The following ENOX1 variants were observed in gnomAD, a reference collection of about 807,000 sequenced individuals.
ENOX1 encodes candidate growth-related and time keeping constitutive hydroquinone (NADH) oxidase.
A neutral mutation model predicts 82.5 loss-of-function variants in ENOX1; 42 were observed. The ratio of observed to expected loss-of-function variants is 0.51; its 90% CI spans 0.40 to 0.66. The LOEUF (loss-of-function observed/expected upper bound fraction) is 0.66. Ranked by LOEUF, ENOX1 falls within the 30% of genes least tolerant of loss-of-function variation. ENOX1 has a pLI of 0.00. For synonymous variants in ENOX1, 271 were observed against 282.2 expected, an observed-to-expected ratio of 0.96 and a Z score of 0.40; for missense variants, 608 against 811.6, an observed-to-expected ratio of 0.75 and a Z score of 3.05.
intron 5 of ENOX1, among the ~76,000 whole-genome samples, chr13:43,382,029 C>G (rs1018834796): frequency 9.2e-5 from 14 of 152,012 alleles, no homozygotes; most frequent in African/African-American, 2.2e-4. Flanking sequence ...TCCAGCATTA[C>G]TTTTGTTACT....
intron 12 of ENOX1, among the ~76,000 whole-genome samples, chr13:43,283,340 T>A (rs1252540664): frequency 6.6e-6 from 1 of 152,152 alleles, no homozygotes; most frequent in Non-Finnish European, 1.5e-5. Flanking sequence ...ATTTTATTCA[T>A]CTTTTCAAAC....
At chr13:43,371,957 G>C (rs2051271449) in intron 5 of ENOX1, among the ~76,000 whole-genome samples, 1 of 152,208 alleles carries the variant, frequency 6.6e-6, no homozygotes, top group Non-Finnish European at 1.5e-5. Flanking sequence ...TGGGCAAGGA[G>C]AACGGGTAAC....
chr13:43,240,398 T>C (rs1005282651), intron 14 of ENOX1, among the ~76,000 whole-genome samples: 1 of 151,966 alleles, frequency 6.6e-6, no homozygotes, highest in Non-Finnish European at 1.5e-5. Flanking sequence ...AGTGTAGATT[T>C]TATCTGGGAG....
chr13:43,556,665 T>C (rs908119452), intron 2 of ENOX1, among the ~76,000 whole-genome samples: 1 of 151,808 alleles, frequency 6.6e-6, no homozygotes, highest in Non-Finnish European at 1.5e-5. Context: ...GACACTTGAG[T>C]ATCATGCTTG....
chr13:43,668,057 T>C (rs575885080), intron 1 of ENOX1, among the ~76,000 whole-genome samples: 1 of 152,172 alleles, frequency 6.6e-6, no homozygotes, highest in Non-Finnish European at 1.5e-5. Context: ...CTCAGGAAAT[T>C]TGTTGTTCTG....
rs2052300612 is a variant in ENOX1 at position 43,384,773 on chromosome 13, A to G, written c.209-23321T>C. On this transcript the variant is annotated intron_variant, in intron 5 of 16. Coordinates refer to ENST00000690772, the MANE Select transcript of ENOX1 (RefSeq NM_001347969.2). ...GTCTTAAGTGCTGCTGGGTGAAACA[A>G]TTAAAAGGATAGTCTTAAGTACTGC... 3.3e-5 allele frequency among the ~76,000 whole-genome samples: 5 copies of G among 152,204 alleles called. No individual in the cohort carries two copies. The South Asian group carries it at 1.0e-3, about 32-fold the overall frequency.
At chr13:43,417,221 C>T (rs1172405672) in intron 3 of ENOX1, among the ~76,000 whole-genome samples, 5 of 64,936 alleles carry the variant, frequency 7.7e-5, no homozygotes, top group Non-Finnish European at 1.1e-4. Context: ...AGACGGGAGA[C>T]GGGAGACGGG....
chr13:43,751,703 T>C (rs1950332563), intron 1 of ENOX1, among the ~76,000 whole-genome samples: 1 of 152,200 alleles, frequency 6.6e-6, no homozygotes, highest in African/African-American at 2.4e-5. Flanking sequence ...AGTGTATGAA[T>C]CAACAGTTCG....
At chr13:43,309,493 C>T (rs372004089) in intron 11 of ENOX1, among the ~76,000 whole-genome samples, 1 of 152,148 alleles carries the variant, frequency 6.6e-6, no homozygotes, top group Admixed American at 6.5e-5. Flanking sequence ...TAGTAAGGCC[C>T]GACAGTGGAG....
Position 43,298,480 on chromosome 13 carries a change from A to G in ENOX1, c.1312T>C (p.Trp438Arg). The G allele has an allele frequency of 6.2e-7, 1 of 1,614,038 alleles. No homozygotes were observed. The highest frequency in any genetic ancestry group is 8.5e-7 in the Non-Finnish European group (1 of 1,180,022). ...TCATTCCTGTAGGCATCCAGCTGCC[A>G]GCGGAGACTGTCATTCTCCTCTTTC... ...ALKEENDSLR[W>R]QLDAYRNEVE... Residue 438 changes from tryptophan (W) to arginine (R), a missense_variant, in exon 12 of 17, where the codon TGG becomes CGG. Transcript: ENST00000690772.
chr13:43,226,309 T>C (rs1384590500), intron 15 of ENOX1, among the ~76,000 whole-genome samples: 8 of 152,230 alleles, frequency 5.3e-5, no homozygotes, highest in Non-Finnish European at 1.2e-4. Context: ...TATATAATAT[T>C]TGTACATATT....
chr13:43,743,229 G>A (rs1481467260), intron 1 of ENOX1, among the ~76,000 whole-genome samples: 1 of 152,048 alleles, frequency 6.6e-6, no homozygotes, highest in African/African-American at 2.4e-5. Context: ...CTCTCATCAG[G>A]AATTTATTTG....
At chr13:43,428,095 C>A (rs1449999062) in intron 3 of ENOX1, among the ~76,000 whole-genome samples, 1 of 152,126 alleles carries the variant, frequency 6.6e-6, no homozygotes, top group East Asian at 1.9e-4. Context: ...TGGCCCTTAC[C>A]CCAGTCAGCC....
chr13:43,634,266 T>C (rs2083331398), intron 2 of ENOX1, among the ~76,000 whole-genome samples: 1 of 152,182 alleles, frequency 6.6e-6, no homozygotes, highest in Non-Finnish European at 1.5e-5. Flanking sequence ...TTATTTCCTA[T>C]TGTTGCATAT....
chr13:43,349,544 T>TACTCAAAAC (rs56047147), intron 8 of ENOX1, among the ~76,000 whole-genome samples: 41,261 of 151,864 alleles, frequency 0.27, 6,267 homozygotes, highest in Non-Finnish European at 0.35. Context: ...TGGCACATAG[T>TACTCAAAAC]AGGCATTACA....
At chr13:43,440,345 G>A (rs923322889) in intron 3 of ENOX1, among the ~76,000 whole-genome samples, 1 of 152,134 alleles carries the variant, frequency 6.6e-6, no homozygotes, top group Non-Finnish European at 1.5e-5. Flanking sequence ...GAAACAAGTG[G>A]CTAACTTGAA....
chr13:43,569,860 A>G (rs539711204), intron 2 of ENOX1, among the ~76,000 whole-genome samples: 4 of 152,168 alleles, frequency 2.6e-5, no homozygotes, highest in Non-Finnish European at 5.9e-5. Flanking sequence ...TTGAAAACCC[A>G]GTTCATAATC....
At chr13:43,253,133 C>T (rs184241209) in intron 14 of ENOX1, among the ~76,000 whole-genome samples, 1 of 152,234 alleles carries the variant, frequency 6.6e-6, no homozygotes, top group African/African-American at 2.4e-5. Context: ...ACCTTTGATG[C>T]AAGCAGATTT....
intron 11 of ENOX1, among the ~76,000 whole-genome samples, chr13:43,313,813 G>A (rs1159683557): frequency 6.6e-6 from 1 of 152,094 alleles, no homozygotes; most frequent in African/African-American, 2.4e-5. Context: ...TTTCAAGACT[G>A]CTCATGGATA....
Sources: allele counts gnomAD v4.1 joint callset (sites outside exome capture counted in the v4.1 genomes callset), GRCh38; gene constraint gnomAD v4.1.1; transcripts MANE v1.5; gene names NCBI Gene and HGNC (gene_info 2026-07-23, HGNC 2026-07-21).